The following ADAMTS17 variants were observed in gnomAD, a reference collection of about 807,000 sequenced individuals.
ADAMTS17 encodes the protein ADAM metallopeptidase with thrombospondin type 1 motif 17, also known as A disintegrin and metalloproteinase with thrombospondin motifs 17.
In ADAMTS17, 113 loss-of-function variants were observed where a neutral mutation model predicts 141.5. The ratio of observed to expected loss-of-function variants is 0.80; its 90% CI spans 0.69 to 0.93. The LOEUF (loss-of-function observed/expected upper bound fraction) is 0.93. Ranked by LOEUF, ADAMTS17 falls within the 40% of genes least tolerant of loss-of-function variation. The pLI is 0.00. For missense variants in ADAMTS17, 1,659 were observed against 1,517.9 expected (o/e 1.09, Z -1.54); for synonymous variants, 768 against 630.6 (o/e 1.22, Z -3.27).
Position 99,997,676 on chromosome 15 carries a change from T to C in ADAMTS17, c.2592-87A>G. On this transcript the variant is annotated intron_variant, in intron 18 of 21. Transcript: ENST00000268070. The surrounding 1 kb of genome is among the most constrained non-coding windows in gnomAD (Gnocchi z 4.7). Reference sequence around the variant, plus strand: ...CCTTCCGGCCGGATCCTGGAATTGCTGCCCTGTGGTGGGAGAGAGGGAGGC... The same window carrying C: ...CCTTCCGGCCGGATCCTGGAATTGCCGCCCTGTGGTGGGAGAGAGGGAGGC... 1.3e-6 allele frequency: 2 copies of C among 1,538,214 alleles called. No homozygotes were observed. Among genetic ancestry groups the C allele is most frequent in the Non-Finnish European group, 1.8e-6 (2 of 1,119,210 alleles).
chr15:100,282,441 A>G (rs1647285710), intron 3 of ADAMTS17, among the ~76,000 whole-genome samples: 1 of 152,228 alleles, frequency 6.6e-6, no homozygotes, highest in South Asian at 2.1e-4. Flanking sequence ...CTACTAGACT[A>G]TGTTACGTCC....
chr15:100,220,745 T>C (rs929817280), intron 7 of ADAMTS17, among the ~76,000 whole-genome samples: 6 of 152,216 alleles, frequency 3.9e-5, no homozygotes, highest in African/African-American at 1.4e-4. Flanking sequence ...TTCTGGACAC[T>C]TCACCTAATG....
chr15:100,270,349 C>CCACA (rs1555498957), intron 4 of ADAMTS17, among the ~76,000 whole-genome samples: 1 of 152,028 alleles, frequency 6.6e-6, no homozygotes, highest in Admixed American at 6.6e-5. Flanking sequence ...AGGAGATGGC[C>CCACA]CATAGTTCAG....
At chr15:100,174,990 A>G (rs2040285712) in intron 8 of ADAMTS17, among the ~76,000 whole-genome samples, 1 of 152,164 alleles carries the variant, frequency 6.6e-6, no homozygotes, top group Non-Finnish European at 1.5e-5. Flanking sequence ...CTCCCAGAAT[A>G]TGCAGCCCTG....
chr15:100,212,351 C>T (rs1430094308), intron 7 of ADAMTS17, among the ~76,000 whole-genome samples: 2 of 152,166 alleles, frequency 1.3e-5, no homozygotes, highest in African/African-American at 4.8e-5. Flanking sequence ...TAACGCATTC[C>T]AGGGAAGACA....
chr15:100,218,482 T>C (rs1273286629), intron 7 of ADAMTS17, among the ~76,000 whole-genome samples: 4 of 152,172 alleles, frequency 2.6e-5, no homozygotes, highest in African/African-American at 9.7e-5. Context: ...TGGGAAAATA[T>C]GTTCAACATC....
chr15:100,328,079 A>T (rs1264579971), intron 3 of ADAMTS17, among the ~76,000 whole-genome samples: 1 of 152,218 alleles, frequency 6.6e-6, no homozygotes, highest in African/African-American at 2.4e-5. Context: ...AGGCTATCAT[A>T]ACACAGGGTC....
chr15:100,189,166 G>T (rs1397108261), intron 8 of ADAMTS17, among the ~76,000 whole-genome samples: 1 of 152,258 alleles, frequency 6.6e-6, no homozygotes, highest in East Asian at 1.9e-4. Flanking sequence ...GGCACGAGTT[G>T]AAGTCCTAGG....
intron 6 of ADAMTS17, among the ~76,000 whole-genome samples, chr15:100,258,094 G>T (rs1463290303): frequency 3.9e-5 from 6 of 152,192 alleles, no homozygotes; most frequent in Non-Finnish European, 8.8e-5. Context: ...TACATATACA[G>T]CATATCTGTT....
chr15:100,108,620 T>C (rs2036552699), intron 14 of ADAMTS17, among the ~76,000 whole-genome samples: 2 of 152,242 alleles, frequency 1.3e-5, no homozygotes. Context: ...TGCACAGGCA[T>C]TGGCTCAGTT....
At chr15:100,209,228 G>A (rs1376938954) in intron 7 of ADAMTS17, among the ~76,000 whole-genome samples, 3 of 152,024 alleles carry the variant, frequency 2.0e-5, no homozygotes, top group Non-Finnish European at 4.4e-5. Context: ...GATGAAATGT[G>A]GACTTTTAGT....
intron 3 of ADAMTS17, among the ~76,000 whole-genome samples, chr15:100,314,556 C>T (rs1002166920): frequency 6.6e-6 from 1 of 152,128 alleles, no homozygotes; most frequent in African/African-American, 2.4e-5. Context: ...ATTCGGGTGA[C>T]AGATATACCA....
At chr15:100,254,088 C>T in intron 7 of ADAMTS17, 48 bp downstream of exon 7, 1 of 1,577,202 alleles carries the variant, frequency 6.3e-7, no homozygotes, top group Non-Finnish European at 8.7e-7. Flanking sequence ...TCCAGATTCT[C>T]CCAGGGTGTA....
At chr15:100,010,486 CA>C (rs777131055) in intron 18 of ADAMTS17, among the ~76,000 whole-genome samples, 3 of 152,170 alleles carry the variant, frequency 2.0e-5, no homozygotes, top group Non-Finnish European at 2.9e-5. Flanking sequence ...AGTGCACCTG[CA>C]ACACTGTTCT....
At chr15:100,275,031 T>A (rs912828922) in intron 4 of ADAMTS17, among the ~76,000 whole-genome samples, 13 of 152,204 alleles carry the variant, frequency 8.5e-5, no homozygotes, top group African/African-American at 3.1e-4. Flanking sequence ...TAAATTCAGA[T>A]GAGGACTACC....
chr15:99,982,351 T>C (rs2060496766), intron 20 of ADAMTS17, among the ~76,000 whole-genome samples: 1 of 152,206 alleles, frequency 6.6e-6, no homozygotes, highest in African/African-American at 2.4e-5. Flanking sequence ...CACACAGCCC[T>C]GTCTGCCTGG....
chr15:100,123,127 T>C (rs2037534663), intron 12 of ADAMTS17, among the ~76,000 whole-genome samples: 1 of 152,120 alleles, frequency 6.6e-6, no homozygotes, highest in Non-Finnish European at 1.5e-5. Context: ...GCCTGAACTG[T>C]GTGGACACGG....
At chr15:100,232,784 C>T (rs946900679) in intron 7 of ADAMTS17, among the ~76,000 whole-genome samples, 3 of 152,174 alleles carry the variant, frequency 2.0e-5, no homozygotes, top group African/African-American at 7.2e-5. Flanking sequence ...TGCCTCCTCA[C>T]AGTTCTTCAC....
intron 5 of ADAMTS17, 131 bp from the exon 6 acceptor site, chr15:100,261,767 G>A (rs529149025): frequency 1.9e-5 from 19 of 1,020,664 alleles, no homozygotes; most frequent in African/African-American, 9.5e-5. Context: ...CACGGCCCTC[G>A]AAGAAAAGCC....
Sources: allele counts gnomAD v4.1 joint callset (sites outside exome capture counted in the v4.1 genomes callset), GRCh38; gene constraint gnomAD v4.1.1; non-coding constraint Gnocchi (gnomAD v3.1); transcripts MANE v1.5; gene names NCBI Gene and HGNC (gene_info 2026-07-23, HGNC 2026-07-21).